The following KIAA0825 variants were observed in gnomAD, a reference collection of about 807,000 sequenced individuals.
The protein encoded by KIAA0825 is uncharacterized protein KIAA0825.
In KIAA0825, 119 loss-of-function variants were observed where a neutral mutation model predicts 147.6. The ratio of observed to expected loss-of-function variants is 0.81; its 90% confidence interval spans 0.69 to 0.94. The LOEUF (loss-of-function observed/expected upper bound fraction) is 0.94. Among genes scored for constraint, KIAA0825 ranks in the 40% least tolerant of loss-of-function variants. The pLI, the probability that KIAA0825 is intolerant of heterozygous loss-of-function variation, is 0.00. For synonymous variants in KIAA0825, 470 were observed against 518.1 expected, an observed-to-expected ratio of 0.91 and a Z score of 1.26; for missense variants, 1,381 against 1,472.7, an observed-to-expected ratio of 0.94 and a Z score of 1.02.
chr5:94,512,739 T>C (rs960739483), intron 5 of KIAA0825, among the ~76,000 whole-genome samples: 1 of 151,654 alleles, frequency 6.6e-6, no homozygotes, highest in Non-Finnish European at 1.5e-5. Flanking sequence ...CTACTAAAAA[T>C]ACAAAATAAT....
intron 20 of KIAA0825, among the ~76,000 whole-genome samples, chr5:94,272,836 A>G (rs989960344): frequency 3.3e-5 from 5 of 152,176 alleles, no homozygotes; most frequent in Non-Finnish European, 7.3e-5. Flanking sequence ...CACAGATGCC[A>G]GGGGGATGGA....
intron 20 of KIAA0825, among the ~76,000 whole-genome samples, chr5:94,190,972 G>A (rs1457564938): frequency 3.9e-5 from 6 of 152,016 alleles, no homozygotes; most frequent in Non-Finnish European, 7.4e-5. Context: ...TCAAAGAGGA[G>A]ATATTATCTA....
intron 1 of KIAA0825, among the ~76,000 whole-genome samples, chr5:94,595,615 G>A (rs919380656): frequency 2.6e-5 from 4 of 152,092 alleles, no homozygotes; most frequent in East Asian, 1.9e-4. Flanking sequence ...CGTTACTTAC[G>A]CAAATTTCGG....
At chr5:94,259,035 G>A (rs780213118) in intron 20 of KIAA0825, among the ~76,000 whole-genome samples, 1 of 151,978 alleles carries the variant, frequency 6.6e-6, no homozygotes, top group Non-Finnish European at 1.5e-5. Context: ...TTTTAGTAAA[G>A]TATGCAGATT....
intron 20 of KIAA0825, among the ~76,000 whole-genome samples, chr5:94,250,890 G>C (rs1259241425): frequency 1.3e-5 from 2 of 152,110 alleles, no homozygotes; most frequent in East Asian, 3.9e-4. Context: ...TCTCCATAAT[G>C]AAAATGTAAA....
chr5:94,507,694 A>G (rs1203090085), intron 5 of KIAA0825, among the ~76,000 whole-genome samples: 1 of 149,360 alleles, frequency 6.7e-6, no homozygotes, highest in Non-Finnish European at 1.5e-5. Context: ...ACTTCTGAGA[A>G]AAAAAAAAAA....
At chr5:94,348,468 T>C (rs1161843904) in intron 20 of KIAA0825, among the ~76,000 whole-genome samples, 2 of 152,206 alleles carry the variant, frequency 1.3e-5, no homozygotes, top group Admixed American at 6.5e-5. Context: ...CCCTGCAAGC[T>C]AGAAGGGACT....
At chr5:94,602,354 GAAA>G (rs112705666) in intron 1 of KIAA0825, among the ~76,000 whole-genome samples, 3 of 136,972 alleles carry the variant, frequency 2.2e-5, no homozygotes, top group Non-Finnish European at 3.2e-5. Flanking sequence ...CTGTCTCAAA[GAAA>G]AAAAAAAAAG....
chr5:94,229,385 C>G (rs554692782), intron 20 of KIAA0825, among the ~76,000 whole-genome samples: 1 of 152,030 alleles, frequency 6.6e-6, no homozygotes, highest in Non-Finnish European at 1.5e-5. Flanking sequence ...TTAAGATCTT[C>G]TCTTTATCCC....
At chr5:94,610,787 GT>G (rs1788599650) in intron 1 of KIAA0825, among the ~76,000 whole-genome samples, 1 of 95,106 alleles carries the variant, frequency 1.1e-5, no homozygotes, top group African/African-American at 4.2e-5. Flanking sequence ...AAAAAAAAAA[GT>G]ATATATATAT....
At chr5:94,274,021 G>A (rs1777105935) in intron 20 of KIAA0825, among the ~76,000 whole-genome samples, 1 of 152,144 alleles carries the variant, frequency 6.6e-6, no homozygotes, top group African/African-American at 2.4e-5. Flanking sequence ...AGAACATGGT[G>A]TGCTCTTTGA....
intron 20 of KIAA0825, among the ~76,000 whole-genome samples, chr5:94,328,051 A>G (rs369641411): frequency 6.6e-6 from 1 of 152,132 alleles, no homozygotes; most frequent in Non-Finnish European, 1.5e-5. Flanking sequence ...TATAATCAAT[A>G]TTTAATATGT....
chr5:94,358,029 A>T (rs1188960102), intron 20 of KIAA0825, among the ~76,000 whole-genome samples: 1 of 152,148 alleles, frequency 6.6e-6, no homozygotes, highest in Non-Finnish European at 1.5e-5. Flanking sequence ...TGCTATACAC[A>T]GTATCTATCT....
chr5:94,535,280 C>T (rs1340583893), intron 3 of KIAA0825, among the ~76,000 whole-genome samples: 1 of 151,836 alleles, frequency 6.6e-6, no homozygotes, highest in Admixed American at 6.6e-5. Context: ...GAGGCTGAGG[C>T]GGGTGGATCA....
intron 15 of KIAA0825, chr5:94,415,733 C>A (rs1209072108): frequency 6.6e-6 from 1 of 152,148 alleles, no homozygotes; most frequent in East Asian, 1.9e-4. Flanking sequence ...CTTGTCTGAC[C>A]ATGTAGGGGA....
At chr5:94,595,189 C>G (rs991676808) in intron 1 of KIAA0825, among the ~76,000 whole-genome samples, 3 of 152,234 alleles carry the variant, frequency 2.0e-5, no homozygotes, top group African/African-American at 7.2e-5. Context: ...TCCACATTTC[C>G]CTTCTGCACT....
chr5:94,377,826 A>T (rs756004497), intron 20 of KIAA0825, among the ~76,000 whole-genome samples: 4 of 152,160 alleles, frequency 2.6e-5, no homozygotes, highest in Non-Finnish European at 4.4e-5. Flanking sequence ...CCCTCAAAAT[A>T]ATCACTCATA....
intron 20 of KIAA0825, among the ~76,000 whole-genome samples, chr5:94,244,161 A>G (rs1452966432): frequency 6.6e-6 from 1 of 152,174 alleles, no homozygotes; most frequent in East Asian, 1.9e-4. Flanking sequence ...GCTATTTGCC[A>G]AGTCTGTGTT....
intron 20 of KIAA0825, among the ~76,000 whole-genome samples, chr5:94,157,955 T>A (rs1767188717): frequency 1.3e-5 from 2 of 152,150 alleles, no homozygotes; most frequent in Admixed American, 1.3e-4. Context: ...ACCAGACAGA[T>A]GAGGAGGGCC....
Sources: gnomAD v4.1 joint callset for allele counts (sites outside exome capture counted in the v4.1 genomes callset) on GRCh38, gnomAD v4.1.1 for gene constraint, MANE v1.5 for transcripts, NCBI Gene and HGNC (gene_info 2026-07-23, HGNC 2026-07-21) for gene names.